The following ELAPOR2 variants were observed in gnomAD, a reference collection of about 807,000 sequenced individuals.
ELAPOR2 encodes endosome/lysosome-associated apoptosis and autophagy regulator family member 2.
ELAPOR2 carries 89 observed loss-of-function variants against 120.7 expected under a neutral mutation model. The observed-to-expected ratio is 0.74, with a 90% CI of 0.62 to 0.88. The LOEUF (loss-of-function observed/expected upper bound fraction) is 0.88. Among genes scored for constraint, ELAPOR2 ranks in the 40% least tolerant of loss-of-function variants. The probability of loss-of-function intolerance (pLI) is 0.00; values close to 1 mark genes in which losing one functional copy is unlikely to be tolerated. For synonymous variants in ELAPOR2, 444 were observed against 444.9 expected (o/e 1.00, Z 0.03); for missense variants, 1,134 against 1,251.6 (o/e 0.91, Z 1.42).
chr7:86,925,910 T>A (rs1790046062), intron 9 of ELAPOR2, among the ~76,000 whole-genome samples: 1 of 152,032 alleles, frequency 6.6e-6, no homozygotes, highest in East Asian at 1.9e-4. Context: ...ACAAAATCTT[T>A]AAAAATAATT....
intron 1 of ELAPOR2, among the ~76,000 whole-genome samples, chr7:86,995,662 G>C (rs944385346): frequency 1.3e-5 from 2 of 152,106 alleles, no homozygotes; most frequent in Non-Finnish European, 1.5e-5. Flanking sequence ...ACTTACCCTA[G>C]TGATCTGGAA....
At chr7:87,037,911 C>A (rs1445542535) in intron 1 of ELAPOR2, among the ~76,000 whole-genome samples, 1 of 152,196 alleles carries the variant, frequency 6.6e-6, no homozygotes, top group East Asian at 1.9e-4. Context: ...ACCAGAGTTT[C>A]TTTAGTCTGA....
chr7:86,918,345 AAAG>A, intron 12 of ELAPOR2, 94 bp downstream of exon 12: 17 of 499,402 alleles, frequency 3.4e-5, no homozygotes, highest in South Asian at 6.4e-5. Context: ...AAAAAAAAAA[AAAG>A]GAATTCTTAT....
At chr7:87,024,780 C>A (rs1794189247) in intron 1 of ELAPOR2, among the ~76,000 whole-genome samples, 1 of 151,940 alleles carries the variant, frequency 6.6e-6, no homozygotes, top group Non-Finnish European at 1.5e-5. Context: ...AACACCTCTA[C>A]ACAAATAAAC....
Position 86,969,959 on chromosome 7 carries a change from G to A in ELAPOR2, c.190-4935C>T, listed in dbSNP as rs370547304. ...TTACCAGTTCCTTTGAAAATAGCTA[G>A]TTTGATAGGATGTGGTAAGCAGCAA... On this transcript the variant is annotated intron_variant, in intron 1 of 21. Coordinates refer to ENST00000450689, the MANE Select transcript of ELAPOR2 (RefSeq NM_001142749.3). 1.6e-4 allele frequency among the ~76,000 whole-genome samples: 25 copies of A among 152,324 alleles called. 1 individual carries two copies. The South Asian group carries it at 4.8e-3, about 29-fold the overall frequency.
At chr7:87,026,187 G>A (rs1794237885) in intron 1 of ELAPOR2, among the ~76,000 whole-genome samples, 1 of 152,166 alleles carries the variant, frequency 6.6e-6, no homozygotes, top group Non-Finnish European at 1.5e-5. Flanking sequence ...GGGTGCAGAG[G>A]AAGATTGAAT....
chr7:86,944,828 G>A, intron 4 of ELAPOR2, 71 bp downstream of exon 4: 1 of 1,304,782 alleles, frequency 7.7e-7, no homozygotes, highest in South Asian at 1.7e-5. Flanking sequence ...AGTGGAATGG[G>A]AACAACTGAC....
In ELAPOR2 at chr7:86,959,902, T is replaced by G. The variant is rs555622762; in HGVS notation, c.310+5002A>C. Among the ~76,000 whole-genome samples the G allele has an allele frequency of 2.6e-5, 4 of 152,360 alleles. No homozygotes were observed. The South Asian group carries it at 6.2e-4, about 24-fold the overall frequency. On this transcript the variant is annotated intron_variant, in intron 2 of 21. Transcript: ENST00000450689. ...GCATCAAATAAGTTTTAGTATTTTT[T>G]GTTTCCATTTTCATTTGTCTCAAAA...
chr7:86,880,557 CA>C (rs1334485312), intron 21 of ELAPOR2, 27 bp from the exon 22 acceptor site: 1 of 1,399,554 alleles, frequency 7.1e-7, no homozygotes, highest in Non-Finnish European at 1.0e-6. Flanking sequence ...AAGACAAAAT[CA>C]ACTCACTGAA....
At chr7:87,056,854 A>G (rs964060092) in intron 1 of ELAPOR2, among the ~76,000 whole-genome samples, 1 of 152,186 alleles carries the variant, frequency 6.6e-6, no homozygotes, top group Non-Finnish European at 1.5e-5. Context: ...GTTAAACATG[A>G]CTACTTCTAC....
At chr7:86,956,869 C>G (rs962821548) in intron 2 of ELAPOR2, among the ~76,000 whole-genome samples, 1 of 152,094 alleles carries the variant, frequency 6.6e-6, no homozygotes, top group Non-Finnish European at 1.5e-5. Flanking sequence ...ACAATACATC[C>G]GTGAAATCAG....
intron 20 of ELAPOR2, 72 bp from the exon 21 acceptor site, chr7:86,891,961 T>A: frequency 2.0e-6 from 2 of 998,816 alleles, no homozygotes; most frequent in Non-Finnish European, 2.9e-6. Context: ...TTATTTTAGG[T>A]GGTAATATAC....
chr7:86,954,153 C>T (rs928264289), intron 2 of ELAPOR2, among the ~76,000 whole-genome samples: 7 of 152,158 alleles, frequency 4.6e-5, no homozygotes, highest in African/African-American at 9.7e-5. Context: ...CCTCCTAGGA[C>T]TGCTTATAAT....
intron 1 of ELAPOR2, among the ~76,000 whole-genome samples, chr7:87,057,033 T>C (rs909211248): frequency 1.6e-4 from 24 of 152,332 alleles, no homozygotes; most frequent in Admixed American, 8.5e-4. Context: ...CCCCACTGCA[T>C]AGTCTGTCCT....
chr7:86,898,683 C>A (rs1157165432), intron 18 of ELAPOR2, among the ~76,000 whole-genome samples: 1 of 151,476 alleles, frequency 6.6e-6, no homozygotes, highest in Non-Finnish European at 1.5e-5. Context: ...GAAATTCCTG[C>A]AAAGGAATGA....
rs561961936 is a variant in ELAPOR2, at chr7:86,986,774, A to T, written c.190-21750T>A. Among the ~76,000 whole-genome samples the T allele has an allele frequency of 3.2e-3, 486 of 151,802 alleles. 7 individuals are homozygous for T. Among genetic ancestry groups the T allele is most frequent in the African/African-American group, 0.011 (453 of 41,288 alleles). The stretch of plus-strand genomic sequence containing the variant: ...ATCGTGAAAATGGCCATACTGCCCA[A>T]GGTAATTTATAGATTCAATGCCATC... On this transcript the variant is annotated intron_variant, in intron 1 of 21. Transcript: ENST00000450689.
intron 1 of ELAPOR2, among the ~76,000 whole-genome samples, chr7:87,018,706 C>A (rs1457991722): frequency 6.6e-6 from 1 of 152,180 alleles, no homozygotes; most frequent in East Asian, 1.9e-4. Context: ...TGGACTCAAG[C>A]ATATATTGTG....
At chr7:86,920,488 T>C (rs1584351944) in intron 10 of ELAPOR2, among the ~76,000 whole-genome samples, 1 of 152,086 alleles carries the variant, frequency 6.6e-6, no homozygotes, top group East Asian at 1.9e-4. Flanking sequence ...GGGAGGACTT[T>C]ATGAAATGTT....
chr7:86,986,442 A>T (rs868144970), intron 1 of ELAPOR2, among the ~76,000 whole-genome samples: 1 of 72,710 alleles, frequency 1.4e-5, no homozygotes, highest in Admixed American at 1.2e-4. Context: ...AAAAAAAAAA[A>T]AGAAAACCCC....
Sources: gnomAD v4.1 joint callset for allele counts (sites outside exome capture counted in the v4.1 genomes callset) on GRCh38, gnomAD v4.1.1 for gene constraint, MANE v1.5 for transcripts, NCBI Gene and HGNC (gene_info 2026-07-23, HGNC 2026-07-21) for gene names.